Variants in C9orf72 observed in about 807,000 individuals in gnomAD.
C9orf72 encodes guanine nucleotide exchange factor C9orf72.
A neutral mutation model predicts 51.6 loss-of-function variants in C9orf72; 44 were observed. The ratio of observed to expected loss-of-function variants is 0.85; its 90% CI spans 0.67 to 1.10. C9orf72 has a LOEUF of 1.10. Among genes scored for constraint, C9orf72 ranks in the 50% least tolerant of loss-of-function variants. The pLI is 0.00. For missense variants in C9orf72, 607 were observed against 570.6 expected (o/e 1.06, Z -0.65); for synonymous variants, 213 against 194.2 (o/e 1.10, Z -0.81).
At chr9:27,564,754 A>C (rs1461357393) in intron 3 of C9orf72, among the ~76,000 whole-genome samples, 2 of 152,132 alleles carry the variant, frequency 1.3e-5, no homozygotes, top group African/African-American at 4.8e-5. Context: ...AAGGCAAAAC[A>C]GCCATGTTTA....
chr9:27,559,373 A>G (rs77180778), intron 6 of C9orf72: 2 of 152,152 alleles, frequency 1.3e-5, no homozygotes, highest in East Asian at 3.9e-4. Flanking sequence ...ACAGATGGAA[A>G]GCCACCTGTT....
At chr9:27,570,190 C>T (rs1383951466) in intron 1 of C9orf72, among the ~76,000 whole-genome samples, 1 of 152,204 alleles carries the variant, frequency 6.6e-6, no homozygotes, top group South Asian at 2.1e-4. Flanking sequence ...AAAATATCCA[C>T]TGTTTTTAAT....
At chr9:27,566,480 C>T (rs185306828) in intron 2 of C9orf72, among the ~76,000 whole-genome samples, 197 bp downstream of exon 2, 30 of 152,214 alleles carry the variant, frequency 2.0e-4, no homozygotes, top group Admixed American at 6.5e-4. Flanking sequence ...GCTACCATTT[C>T]GTACCTTCCA....
Position 27,566,859 on chromosome 9 carries a change from A to C in C9orf72, c.262T>G (p.Ser88Ala). ...GAAACAATAATCACTCCCTTTTCAGACAAGACAAAAAACTTTACATCTATA... is the reference window on the plus strand; with the variant it reads ...GAAACAATAATCACTCCCTTTTCAGCCAAGACAAAAAACTTTACATCTATA... ...GAIDVKFFVL[S>A]EKGVIIVSLI... is the part of the protein sequence containing the mutation. Residue 88 changes from serine to alanine, a missense_variant, in exon 2 of 11, where the codon TCT becomes GCT. Ser to Ala is a moderately conservative substitution (Grantham distance 99, BLOSUM62 1). Coordinates refer to ENST00000380003, the MANE Select transcript of C9orf72 (RefSeq NM_018325.5). The C allele has an allele frequency of 6.2e-7, 1 of 1,614,026 alleles. No homozygotes were observed. The highest frequency in any genetic ancestry group is 1.1e-5 in the South Asian group (1 of 91,078).
intron 4 of C9orf72, 58 bp from the exon 5 acceptor site, chr9:27,561,707 C>T: frequency 2.7e-6 from 3 of 1,103,458 alleles, no homozygotes; most frequent in Non-Finnish European, 4.0e-6. Flanking sequence ...GTTGAAATAA[C>T]ACTTTTAATA....
intron 8 of C9orf72, chr9:27,554,570 A>G (rs1207139882): frequency 2.5e-6 from 1 of 398,504 alleles, no homozygotes; most frequent in East Asian, 3.6e-5. Context: ...CTGTACACCA[A>G]ACCCTCATGA....
At chr9:27,561,133 G>T in intron 5 of C9orf72, 1 of 503,658 alleles carries the variant, frequency 2.0e-6, no homozygotes, top group Non-Finnish European at 2.6e-6. Flanking sequence ...CTTGCCCACG[G>T]GTACACAGCA....
intron 7 of C9orf72, among the ~76,000 whole-genome samples, chr9:27,558,287 A>G (rs1221784306): frequency 6.6e-6 from 1 of 151,736 alleles, no homozygotes; most frequent in East Asian, 1.9e-4. Flanking sequence ...TGGAACACAA[A>G]GGGTATTCTA....
At chr9:27,569,799 T>C (rs1446738290) in intron 1 of C9orf72, among the ~76,000 whole-genome samples, 2 of 152,246 alleles carry the variant, frequency 1.3e-5, no homozygotes, top group African/African-American at 2.4e-5. Context: ...AAGCAGCTAA[T>C]AGGCAAACTA....
At chr9:27,572,956 C>G (rs1201746732) in intron 1 of C9orf72, among the ~76,000 whole-genome samples, 1 of 152,184 alleles carries the variant, frequency 6.6e-6, no homozygotes, top group Non-Finnish European at 1.5e-5. Flanking sequence ...GTCTCCACAC[C>G]CCCATCTCAT....
chr9:27,557,076 T>C (rs921221968), intron 7 of C9orf72, among the ~76,000 whole-genome samples: 1 of 152,118 alleles, frequency 6.6e-6, no homozygotes, highest in African/African-American at 2.4e-5. Flanking sequence ...TTGTTGAAGT[T>C]TGTGTTGATA....
At chr9:27,570,205 T>C (rs1819555892) in intron 1 of C9orf72, among the ~76,000 whole-genome samples, 1 of 152,212 alleles carries the variant, frequency 6.6e-6, no homozygotes, top group Non-Finnish European at 1.5e-5. Flanking sequence ...TTTAATACAA[T>C]GTAAGCAGTC....
intron 7 of C9orf72, 60 bp from the exon 8 acceptor site, chr9:27,556,856 T>C (rs1819213327): frequency 1.7e-6 from 2 of 1,149,620 alleles, no homozygotes; most frequent in African/African-American, 1.5e-5. Context: ...ATAATTGTTT[T>C]TTAATTTTAA....
At chr9:27,555,606 G>A (rs1302766343) in intron 8 of C9orf72, among the ~76,000 whole-genome samples, 1 of 149,730 alleles carries the variant, frequency 6.7e-6, no homozygotes, top group Admixed American at 6.7e-5. Flanking sequence ...GTGTTCCCCA[G>A]GCTGGAGTAC....
chr9:27,565,493 G>A (rs376222596), intron 3 of C9orf72, 38 bp downstream of exon 3: 43 of 1,366,302 alleles, frequency 3.1e-5, no homozygotes, highest in Non-Finnish European at 4.5e-5. Context: ...GATACATGCT[G>A]TGAGAAAAAC....
At chr9:27,568,553 A>T (rs1819520892) in intron 1 of C9orf72, among the ~76,000 whole-genome samples, 1 of 151,728 alleles carries the variant, frequency 6.6e-6, no homozygotes, top group Non-Finnish European at 1.5e-5. Flanking sequence ...ATGTAAAACA[A>T]ATCATTCTTG....
At chr9:27,568,893 T>C (rs1394366205) in intron 1 of C9orf72, among the ~76,000 whole-genome samples, 1 of 152,038 alleles carries the variant, frequency 6.6e-6, no homozygotes, top group Non-Finnish European at 1.5e-5. Context: ...TCAGGAGGTA[T>C]TCAACAGAAA....
At chr9:27,558,057 A>G (rs1463589405) in intron 7 of C9orf72, among the ~76,000 whole-genome samples, 1 of 149,482 alleles carries the variant, frequency 6.7e-6, no homozygotes, top group African/African-American at 2.4e-5. Flanking sequence ...ATTTTTTTCT[A>G]ATATATATTA....
At position 27,548,135 on chromosome 9, in the gene C9orf72, C is replaced by T; in HGVS notation, c.*101G>A. 1.2e-6 allele frequency: 1 copy of T among 844,306 alleles called. No homozygotes were observed. The highest frequency in any genetic ancestry group is 1.8e-6 in the Non-Finnish European group (1 of 556,468). The allele number at this position is 844,306 out of a possible 1,614,324, so 52.3% of individuals were successfully genotyped here. Reference sequence around the variant, plus strand: ...CTTACTTAACTGCAATTGCTGAGAGCAGAATTCTGGAGTATGATCCAGGGG... The same window carrying T: ...CTTACTTAACTGCAATTGCTGAGAGTAGAATTCTGGAGTATGATCCAGGGG... On this transcript the variant is annotated 3_prime_UTR_variant, in exon 11 of 11. Coordinates refer to ENST00000380003, the MANE Select transcript of C9orf72 (RefSeq NM_018325.5).
Sources: allele counts gnomAD v4.1 joint callset (sites outside exome capture counted in the v4.1 genomes callset), GRCh38; gene constraint gnomAD v4.1.1; transcripts MANE v1.5; gene names NCBI Gene and HGNC (gene_info 2026-07-23, HGNC 2026-07-21).